Variants in UPF2 observed in about 807,000 individuals in gnomAD.
The protein encoded by UPF2 is UPF2 regulator of nonsense mediated mRNA decay, also known as regulator of nonsense transcripts 2.
A neutral mutation model predicts 141.4 loss-of-function variants in UPF2; 17 were observed. That is an observed-to-expected ratio of 0.12 (90% CI 0.08 to 0.18). UPF2 has a LOEUF of 0.18. Ranked by LOEUF, UPF2 falls within the 10% of genes least tolerant of loss-of-function variation. The pLI, the probability that UPF2 is intolerant of heterozygous loss-of-function variation, is 1.00. For synonymous variants in UPF2, 540 were observed against 498.0 expected (o/e 1.08, Z -1.12); for missense variants, 1,152 against 1,515.9 (o/e 0.76, Z 3.99).
Position 11,956,094 on chromosome 10 carries a change from C to T in UPF2, c.2574+226G>A, listed in dbSNP as rs934164678. Among the ~76,000 whole-genome samples the T allele has an allele frequency of 6.7e-6, 1 of 148,918 alleles. No individual in the cohort carries two copies. Among genetic ancestry groups the T allele is most frequent in the South Asian group, 2.1e-4 (1 of 4,748 alleles). On this transcript the variant is annotated intron_variant, in intron 13 of 21. Coordinates refer to ENST00000357604, the MANE Select transcript of UPF2 (RefSeq NM_015542.4). The surrounding 1 kb of genome is among the most constrained non-coding windows in gnomAD (Gnocchi z 4.2). ...CCCAGGAGGAAGAGGTTGCAGCGAG[C>T]GGAGATCGTGCCAGTGCACTCCAGC...
At chr10:11,949,449 C>T (rs1378465250) in intron 15 of UPF2, among the ~76,000 whole-genome samples, 4 of 152,222 alleles carry the variant, frequency 2.6e-5, no homozygotes, top group Admixed American at 1.3e-4. Flanking sequence ...ATTACTTTTT[C>T]TCCTATTTGC....
intron 8 of UPF2, among the ~76,000 whole-genome samples, chr10:11,988,893 G>T (rs1365702333): frequency 1.3e-5 from 2 of 152,142 alleles, no homozygotes; most frequent in African/African-American, 4.8e-5. Flanking sequence ...GAATATATGG[G>T]GTCTGGAAGA....
intron 18 of UPF2, 89 bp downstream of exon 18, chr10:11,942,576 G>T: frequency 8.6e-7 from 1 of 1,165,522 alleles, no homozygotes; most frequent in Non-Finnish European, 1.2e-6. Flanking sequence ...GAGACACTTA[G>T]ATAGGAGAGG....
chr10:11,954,061 T>A (rs1833111015), intron 14 of UPF2, among the ~76,000 whole-genome samples: 1 of 152,180 alleles, frequency 6.6e-6, no homozygotes, highest in Non-Finnish European at 1.5e-5. Context: ...AATTGGCACT[T>A]AGAAAATTGT....
intron 9 of UPF2, among the ~76,000 whole-genome samples, chr10:11,978,006 C>G (rs1392715741): frequency 1.3e-5 from 2 of 152,198 alleles, no homozygotes; most frequent in Non-Finnish European, 2.9e-5. Flanking sequence ...AGACCATTCT[C>G]CTCTGCAAGA....
At position 12,040,023 on chromosome 10, in the gene UPF2, A is replaced by T. The variant is rs73575347; in HGVS notation, c.-19+2732T>A. On this transcript the variant is annotated intron_variant, in intron 1 of 21. Coordinates refer to ENST00000357604, the MANE Select transcript of UPF2 (RefSeq NM_015542.4). Reference sequence around the variant, plus strand: ...AAATTCACAAAGATCATCATTTATTAGTTCAACAAAGTCCCAAACTTTCAT... The same window carrying T: ...AAATTCACAAAGATCATCATTTATTTGTTCAACAAAGTCCCAAACTTTCAT... Among the ~76,000 whole-genome samples the T allele has an allele frequency of 6.9e-3, 1,050 of 152,330 alleles. 7 individuals are homozygous for T. Among genetic ancestry groups the T allele is most frequent in the Non-Finnish European group, 0.011 (774 of 68,030 alleles).
intron 8 of UPF2, among the ~76,000 whole-genome samples, chr10:11,983,594 G>C (rs1210527642): frequency 6.6e-6 from 1 of 152,078 alleles, no homozygotes; most frequent in African/African-American, 2.4e-5. Context: ...GGATGGTTTC[G>C]ATCTCCTGAA....
chr10:12,008,574 G>T (rs2131276820), intron 4 of UPF2, among the ~76,000 whole-genome samples: 1 of 145,408 alleles, frequency 6.9e-6, no homozygotes, highest in East Asian at 2.1e-4. Context: ...AGCTTGCAGT[G>T]AGCTTAGATC....
At chr10:12,024,255 C>T (rs903291184) in intron 3 of UPF2, among the ~76,000 whole-genome samples, 7 of 149,418 alleles carry the variant, frequency 4.7e-5, no homozygotes, top group African/African-American at 1.7e-4. Flanking sequence ...CCCAGGAGTT[C>T]GAGGCCAGCC....
rs372380516 is a variant in UPF2, at chr10:11,964,002, C to T, written c.2184+7G>A. ...TCTAGCTCTTACCAGCATCCTCAAGCCCTTACCAAAAGTACACTGGTCCTC... is the reference window on the plus strand; with the variant it reads ...TCTAGCTCTTACCAGCATCCTCAAGTCCTTACCAAAAGTACACTGGTCCTC... On this transcript the variant is annotated splice_region_variant and intron_variant, in intron 11 of 21. Transcript: ENST00000357604. The T allele has an allele frequency of 6.2e-7, 1 of 1,603,210 alleles. No individual in the cohort carries two copies. Among genetic ancestry groups the T allele is most frequent in the Non-Finnish European group, 8.5e-7 (1 of 1,171,082 alleles).
chr10:12,025,915 C>A (rs1834411599), intron 3 of UPF2, among the ~76,000 whole-genome samples: 2 of 152,112 alleles, frequency 1.3e-5, no homozygotes, highest in Non-Finnish European at 1.5e-5. Flanking sequence ...CCACCTCAGC[C>A]CCCAAGTAGC....
At chr10:11,950,364 C>T (rs761480539) in intron 15 of UPF2, among the ~76,000 whole-genome samples, 33 of 152,098 alleles carry the variant, frequency 2.2e-4, no homozygotes, top group Non-Finnish European at 3.8e-4. Context: ...CAGTAGGAAA[C>T]GGATTTAATA....
At chr10:12,040,049 G>A (rs1318391973) in intron 1 of UPF2, among the ~76,000 whole-genome samples, 1 of 152,132 alleles carries the variant, frequency 6.6e-6, no homozygotes, top group Non-Finnish European at 1.5e-5. Flanking sequence ...AAACTTTCAT[G>A]ACTCTTTAAT....
chr10:12,015,956 A>G (rs2131288307), intron 3 of UPF2, among the ~76,000 whole-genome samples: 1 of 152,278 alleles, frequency 6.6e-6, no homozygotes, highest in Admixed American at 6.5e-5. Flanking sequence ...GCCAGGCTAA[A>G]AAGTGCTTCT....
intron 11 of UPF2, among the ~76,000 whole-genome samples, chr10:11,963,187 C>T (rs1833266916): frequency 6.6e-6 from 1 of 152,146 alleles, no homozygotes; most frequent in South Asian, 2.1e-4. Context: ...CCACAGTATC[C>T]TCTGCAGCCC....
At chr10:11,997,554 A>T in intron 8 of UPF2, 118 bp downstream of exon 8, 1 of 790,386 alleles carries the variant, frequency 1.3e-6, no homozygotes, top group Non-Finnish European at 2.0e-6. Flanking sequence ...TAATAATGCT[A>T]ATGACCTACA....
At chr10:11,950,146 GT>G (rs1833054960) in intron 15 of UPF2, among the ~76,000 whole-genome samples, 1 of 151,934 alleles carries the variant, frequency 6.6e-6, no homozygotes, top group Non-Finnish European at 1.5e-5. Context: ...TGCTTTCTTG[GT>G]TTTTTAAAAA....
Position 11,948,899 on chromosome 10 carries a change from T to C in UPF2, c.3035-391A>G, listed in dbSNP as rs145177389. On this transcript the variant is annotated intron_variant, in intron 15 of 21. Transcript: ENST00000357604. ...GCCACACTCTTTACCAAGTGAGATT[T>C]AAAGAGTCTCCAAAAACTCAAAAGA... 7.2e-4 allele frequency among the ~76,000 whole-genome samples: 109 copies of C among 152,320 alleles called. 1 individual carries two copies. Among genetic ancestry groups the C allele is most frequent in the African/African-American group, 2.4e-3 (101 of 41,570 alleles).
chr10:12,037,631 G>A (rs1006055664), intron 1 of UPF2, among the ~76,000 whole-genome samples: 6 of 151,908 alleles, frequency 3.9e-5, no homozygotes, highest in African/African-American at 1.5e-4. Context: ...GACCTCAAGT[G>A]ATCCATCTGA....
Sources: gnomAD v4.1 joint callset for allele counts (sites outside exome capture counted in the v4.1 genomes callset) on GRCh38, gnomAD v4.1.1 for gene constraint, Gnocchi (gnomAD v3.1) non-coding constraint, MANE v1.5 for transcripts, NCBI Gene and HGNC (gene_info 2026-07-23, HGNC 2026-07-21) for gene names.